Variants in PTPRM observed in about 807,000 individuals in gnomAD.
PTPRM encodes the protein receptor-type tyrosine-protein phosphatase mu.
PTPRM carries 47 observed loss-of-function variants against 186.7 expected under a neutral mutation model. The ratio of observed to expected loss-of-function variants is 0.25; its 90% CI spans 0.20 to 0.32. The LOEUF (loss-of-function observed/expected upper bound fraction) is 0.32. Among genes scored for constraint, PTPRM ranks in the 10% least tolerant of loss-of-function variants. PTPRM has a pLI of 1.00. For synonymous variants in PTPRM, 668 were observed against 674.9 expected (o/e 0.99, Z 0.16); for missense variants, 1,494 against 1,865.0 (o/e 0.80, Z 3.66).
At chr18:8,246,591 A>T (rs1438935828) in intron 15 of PTPRM, among the ~76,000 whole-genome samples, 5 of 152,208 alleles carry the variant, frequency 3.3e-5, no homozygotes, top group Non-Finnish European at 7.3e-5. Context: ...TGCAGCTAAT[A>T]AAAAGGCTTT....
At chr18:8,139,832 C>T (rs899357098) in intron 13 of PTPRM, among the ~76,000 whole-genome samples, 1 of 152,108 alleles carries the variant, frequency 6.6e-6, no homozygotes. Flanking sequence ...GCTAGCCTGG[C>T]CAGACACTGC....
intron 16 of PTPRM, 57 bp from the exon 17 acceptor site, chr18:8,248,093 T>A: frequency 6.0e-6 from 9 of 1,489,150 alleles, no homozygotes; most frequent in Non-Finnish European, 8.4e-6. Flanking sequence ...CATCAATCAT[T>A]TACTGTTCTT....
intron 32 of PTPRM, among the ~76,000 whole-genome samples, chr18:8,402,517 A>G (rs143353932): frequency 1.1e-3 from 175 of 152,340 alleles, no homozygotes; most frequent in African/African-American, 4.0e-3. Context: ...GAAATATGTT[A>G]AAAGGATGGC....
chr18:7,739,228 C>T (rs1158896992), intron 1 of PTPRM, among the ~76,000 whole-genome samples: 1 of 152,040 alleles, frequency 6.6e-6, no homozygotes, highest in Non-Finnish European at 1.5e-5. Context: ...AATGCCAAAC[C>T]ACAGTAAAGT....
chr18:7,591,269 G>A (rs2037118855), intron 1 of PTPRM, among the ~76,000 whole-genome samples: 1 of 152,104 alleles, frequency 6.6e-6, no homozygotes, highest in Non-Finnish European at 1.5e-5. Flanking sequence ...AGTGTTAATG[G>A]ATTGGTTAAT....
intron 20 of PTPRM, among the ~76,000 whole-genome samples, chr18:8,305,852 T>C (rs1209377663): frequency 6.6e-6 from 1 of 152,154 alleles, no homozygotes; most frequent in Non-Finnish European, 1.5e-5. Context: ...GAAGATTTTA[T>C]TGGTAAACTT....
intron 1 of PTPRM, among the ~76,000 whole-genome samples, chr18:7,740,212 G>T (rs571956346): frequency 1.6e-3 from 238 of 152,214 alleles, no homozygotes; most frequent in Non-Finnish European, 2.8e-3. Flanking sequence ...CTTGAAGCAG[G>T]CCTGTGACCC....
chr18:8,173,298 A>G (rs2093431864), intron 14 of PTPRM, among the ~76,000 whole-genome samples: 1 of 152,224 alleles, frequency 6.6e-6, no homozygotes, highest in Non-Finnish European at 1.5e-5. Context: ...TATAATGGTA[A>G]TGATATATAT....
intron 2 of PTPRM, among the ~76,000 whole-genome samples, chr18:7,784,602 T>C (rs1045515070): frequency 6.6e-6 from 1 of 152,342 alleles, no homozygotes; most frequent in Non-Finnish European, 1.5e-5. Flanking sequence ...ATGTTTCAGC[T>C]TTTTATAAAA....
At chr18:7,742,229 G>A (rs2040897622) in intron 1 of PTPRM, among the ~76,000 whole-genome samples, 1 of 152,136 alleles carries the variant, frequency 6.6e-6, no homozygotes, top group Non-Finnish European at 1.5e-5. Context: ...ATTATTTTAA[G>A]TTACAGTGAC....
chr18:7,978,259 C>T (rs555432378), intron 7 of PTPRM, among the ~76,000 whole-genome samples: 55 of 152,180 alleles, frequency 3.6e-4, no homozygotes, highest in African/African-American at 1.1e-3. Flanking sequence ...GGTGACTAGT[C>T]GTATAGAACA....
chr18:7,704,304 G>C (rs2040028669), intron 1 of PTPRM, among the ~76,000 whole-genome samples: 1 of 152,012 alleles, frequency 6.6e-6, no homozygotes, highest in Non-Finnish European at 1.5e-5. Context: ...TCTGGTCCTG[G>C]GCTATTTTTG....
rs1555653075 is a variant in PTPRM at position 7,694,445 on chromosome 18, T to TTC, written c.74-79704_74-79703insTC. 2.0e-3 allele frequency among the ~76,000 whole-genome samples: 296 copies of TTC among 150,036 alleles called. 1 individual carries two copies. Among genetic ancestry groups the TTC allele is most frequent in the African/African-American group, 6.8e-3 (274 of 40,172 alleles). On this transcript the variant is annotated intron_variant, in intron 1 of 32. Transcript: ENST00000580170. ...TTCCTTCCTTCCTTTTTTTTTTTTTTCGACAGAGTCTCGCTCTGTTGCCCA... is the reference window on the plus strand; with the variant it reads ...TTCCTTCCTTCCTTTTTTTTTTTTTTTCCGACAGAGTCTCGCTCTGTTGCCCA...
intron 1 of PTPRM, among the ~76,000 whole-genome samples, chr18:7,768,043 T>C (rs767378587): frequency 9.2e-5 from 14 of 152,246 alleles, no homozygotes; most frequent in Admixed American, 2.6e-4. Context: ...TGGGTGTTTA[T>C]CATGCAGCCT....
intron 1 of PTPRM, among the ~76,000 whole-genome samples, chr18:7,759,510 G>A (rs1354898596): frequency 2.0e-5 from 3 of 152,174 alleles, no homozygotes; most frequent in South Asian, 4.1e-4. Context: ...GTTTCTGGAC[G>A]CAGATAAGGC....
chr18:7,866,082 T>G (rs894680035), intron 2 of PTPRM, among the ~76,000 whole-genome samples: 1 of 152,192 alleles, frequency 6.6e-6, no homozygotes, highest in Non-Finnish European at 1.5e-5. Context: ...TCTTTTCTCC[T>G]TCATTAATCT....
chr18:8,389,256 C>CTT (rs1251207404), intron 31 of PTPRM, among the ~76,000 whole-genome samples: 1 of 152,170 alleles, frequency 6.6e-6, no homozygotes, highest in African/African-American at 2.4e-5. Flanking sequence ...GGATTAGCAG[C>CTT]TTTCTAAAAA....
chr18:7,980,882 G>A (rs2082512068), intron 7 of PTPRM, among the ~76,000 whole-genome samples: 1 of 152,010 alleles, frequency 6.6e-6, no homozygotes, highest in East Asian at 1.9e-4. Context: ...TGGAGCATGA[G>A]CTGGCCTGGC....
intron 1 of PTPRM, among the ~76,000 whole-genome samples, chr18:7,603,632 A>G (rs2037460253): frequency 6.6e-6 from 1 of 152,178 alleles, no homozygotes; most frequent in Admixed American, 6.5e-5. Context: ...AAGCCTGCTG[A>G]TTCTTTCTGT....
Sources: gnomAD v4.1 joint callset for allele counts (sites outside exome capture counted in the v4.1 genomes callset) on GRCh38, gnomAD v4.1.1 for gene constraint, MANE v1.5 for transcripts, NCBI Gene and HGNC (gene_info 2026-07-23, HGNC 2026-07-21) for gene names.